The following CPEB3 variants were observed in gnomAD, a reference collection of about 807,000 sequenced individuals.
CPEB3 encodes cytoplasmic polyadenylation element binding protein 3, also known as cytoplasmic polyadenylation element-binding protein 3.
CPEB3 carries 20 observed loss-of-function variants against 67.2 expected under a neutral mutation model. The observed-to-expected ratio is 0.30, with a 90% CI of 0.21 to 0.43. CPEB3 has a LOEUF of 0.43. Ranked by LOEUF, CPEB3 falls within the 20% of genes least tolerant of loss-of-function variation. The pLI, the probability that CPEB3 is intolerant of heterozygous loss-of-function variation, is 1.00. For missense variants in CPEB3, 746 were observed against 968.6 expected, an observed-to-expected ratio of 0.77 and a Z score of 3.05; for synonymous variants, 376 against 393.1, an observed-to-expected ratio of 0.96 and a Z score of 0.51.
At chr10:92,232,408 T>G (rs1342661303) in intron 2 of CPEB3, among the ~76,000 whole-genome samples, 4 of 151,818 alleles carry the variant, frequency 2.6e-5, no homozygotes, top group Admixed American at 2.6e-4. Context: ...AAAAATCAAC[T>G]TAGCAATGAA....
At chr10:92,070,965 T>C (rs945335970) in intron 9 of CPEB3, among the ~76,000 whole-genome samples, 1 of 152,152 alleles carries the variant, frequency 6.6e-6, no homozygotes, top group Non-Finnish European at 1.5e-5. Flanking sequence ...AATAAGCATC[T>C]TCCAGAAGAG....
In CPEB3 at chr10:92,223,032, C is replaced by T. The variant is rs186377678; in HGVS notation, c.1005+16314G>A. ...ATGGCAGGTTTCATTTCTTTTATTG[C>T]GTATAATCCTCCCACATGATTAATT... On this transcript the variant is annotated intron_variant, in intron 2 of 9. Coordinates refer to ENST00000265997, the MANE Select transcript of CPEB3 (RefSeq NM_014912.5). 3.9e-4 allele frequency among the ~76,000 whole-genome samples: 60 copies of T among 152,242 alleles called. 1 individual carries two copies. Among genetic ancestry groups the T allele is most frequent in the Admixed American group, 3.8e-3 (58 of 15,284 alleles).
chr10:92,214,802 A>AT (rs893803914), intron 2 of CPEB3, among the ~76,000 whole-genome samples: 40 of 149,784 alleles, frequency 2.7e-4, no homozygotes, highest in African/African-American at 7.4e-4. Context: ...TATTTTAACA[A>AT]TTTTTTTTTC....
intron 6 of CPEB3, among the ~76,000 whole-genome samples, chr10:92,122,372 T>C (rs1016725081): frequency 6.6e-6 from 1 of 152,194 alleles, no homozygotes; most frequent in African/African-American, 2.4e-5. Flanking sequence ...AGTTAGAGTA[T>C]AGGATTGAGA....
chr10:92,289,755 A>ATT (rs1842736245), intron 1 of CPEB3, among the ~76,000 whole-genome samples: 1 of 130,852 alleles, frequency 7.6e-6, no homozygotes, highest in African/African-American at 2.9e-5. Context: ...ATATATATAT[A>ATT]TATGTATTAT....
intron 7 of CPEB3, among the ~76,000 whole-genome samples, chr10:92,099,838 T>C (rs890409319): frequency 1.0e-4 from 15 of 149,292 alleles, no homozygotes; most frequent in Admixed American, 2.7e-4. Flanking sequence ...CACTCCAGCC[T>C]GGGCAGTGAA....
chr10:92,238,464 CA>C (rs1851645752), intron 2 of CPEB3, among the ~76,000 whole-genome samples: 1 of 152,164 alleles, frequency 6.6e-6, no homozygotes. Context: ...ATTAAAGTTG[CA>C]AGACTTTCAC....
rs943462134 is a variant in CPEB3, at chr10:92,239,422, G to T, written c.929C>A (p.Ala310Asp). The T allele has an allele frequency of 2.5e-6, 4 of 1,603,230 alleles. No individual in the cohort carries two copies. The highest frequency in any genetic ancestry group is 3.4e-6 in the Non-Finnish European group (4 of 1,174,698). ...VIAPPKFPRA[A>D]PLTSKSWMED... ...CATCCAGGACTTGGAAGTGAGAGGG[G>T]CCGCGCGAGGGAACTTGGGCGGCGC... Residue 310 changes from alanine to aspartate, a missense_variant, in exon 2 of 10, where the codon GCC becomes GAC. Around this residue, in one of 2 missense-constraint regions of CPEB3, gnomAD observed 643 missense variants for 717.5 expected, o/e 0.90. Coordinates refer to ENST00000265997, the MANE Select transcript of CPEB3 (RefSeq NM_014912.5). This position sits in a 1 kb window ranked among gnomAD's most constrained non-coding sequence, Gnocchi z 6.0.
chr10:92,072,597 C>T (rs1842790846), intron 9 of CPEB3, among the ~76,000 whole-genome samples: 1 of 152,128 alleles, frequency 6.6e-6, no homozygotes, highest in African/African-American at 2.4e-5. Context: ...AGCAGTTTGC[C>T]CAAGATCATA....
intron 7 of CPEB3, among the ~76,000 whole-genome samples, chr10:92,100,950 C>T (rs1007326005): frequency 1.3e-5 from 2 of 152,176 alleles, no homozygotes; most frequent in African/African-American, 4.8e-5. Context: ...CCACATATCC[C>T]TACAGCTAGA....
chr10:92,251,541 A>ACAGTAATGAAAAGACGAAG (rs907884219), intron 1 of CPEB3, among the ~76,000 whole-genome samples: 2 of 152,182 alleles, frequency 1.3e-5, no homozygotes, highest in African/African-American at 4.8e-5. Flanking sequence ...AAAAACAGTA[A>ACAGTAATGAAAAGACGAAG]CAGTAATGAA....
chr10:92,142,397 T>C (rs1328872766), intron 6 of CPEB3, among the ~76,000 whole-genome samples: 1 of 152,132 alleles, frequency 6.6e-6, no homozygotes, highest in African/African-American at 2.4e-5. Context: ...CACACCCAAA[T>C]GAATATCACC....
chr10:92,093,980 G>A (rs1056558730), intron 7 of CPEB3, among the ~76,000 whole-genome samples: 1 of 151,978 alleles, frequency 6.6e-6, no homozygotes, highest in Non-Finnish European at 1.5e-5. Context: ...TCAGCCTCCT[G>A]AGTAGTTGGA....
At chr10:92,232,307 G>T (rs185423949) in intron 2 of CPEB3, among the ~76,000 whole-genome samples, 48 of 149,332 alleles carry the variant, frequency 3.2e-4, no homozygotes, top group African/African-American at 1.1e-3. Context: ...CACCCACCTC[G>T]GCCTCCCAAA....
chr10:92,067,358 G>A (rs1481726939), intron 9 of CPEB3, among the ~76,000 whole-genome samples: 2 of 151,434 alleles, frequency 1.3e-5, no homozygotes, highest in African/African-American at 4.9e-5. Context: ...AAATTAGCCA[G>A]GCATGGTGGC....
At chr10:92,248,228 C>T (rs1163628819) in intron 1 of CPEB3, among the ~76,000 whole-genome samples, 1 of 152,080 alleles carries the variant, frequency 6.6e-6, no homozygotes, top group African/African-American at 2.4e-5. Context: ...ACTTATAATA[C>T]CTAATACAAT....
intron 6 of CPEB3, among the ~76,000 whole-genome samples, chr10:92,134,296 G>C (rs1364800195): frequency 6.6e-6 from 1 of 152,076 alleles, no homozygotes; most frequent in Non-Finnish European, 1.5e-5. Context: ...ATCTCCTTAA[G>C]CTGATAAGCA....
At chr10:92,254,879 A>AT (rs1852455401) in intron 1 of CPEB3, among the ~76,000 whole-genome samples, 3 of 146,490 alleles carry the variant, frequency 2.0e-5, no homozygotes, top group East Asian at 2.0e-4. Flanking sequence ...TTTTATTTTT[A>AT]TTTTTTTTTC....
intron 7 of CPEB3, among the ~76,000 whole-genome samples, chr10:92,103,161 C>A (rs1564781697): frequency 6.6e-6 from 1 of 152,122 alleles, no homozygotes. Flanking sequence ...ATATTTTGGT[C>A]ACCAGTGGAT....
Sources: gnomAD v4.1 joint callset for allele counts (sites outside exome capture counted in the v4.1 genomes callset) on GRCh38, gnomAD v4.1.1 for gene constraint, gnomAD v4.1.1 regional missense constraint, Gnocchi (gnomAD v3.1) non-coding constraint, MANE v1.5 for transcripts, NCBI Gene and HGNC (gene_info 2026-07-23, HGNC 2026-07-21) for gene names.